The following HCFC1 variants were observed in gnomAD, a reference collection of about 807,000 sequenced individuals.
HCFC1 encodes the protein host cell factor C1.
Under a neutral mutation model 105.5 loss-of-function variants are expected in HCFC1, and 7 were observed. The ratio of observed to expected loss-of-function variants is 0.07; its 90% confidence interval spans 0.04 to 0.12. The LOEUF (loss-of-function observed/expected upper bound fraction) is 0.12, where lower values mean the gene tolerates loss of function less well. Among genes scored for constraint, HCFC1 ranks in the 10% least tolerant of loss-of-function variants. HCFC1 has a pLI of 1.00. For synonymous variants in HCFC1, 918 were observed against 828.1 expected, an observed-to-expected ratio of 1.11 and a Z score of -1.86; for missense variants, 1,065 against 1,823.6, an observed-to-expected ratio of 0.58 and a Z score of 7.58.
At chrX:153,954,020 G>C (rs2065342689) in intron 17 of HCFC1, 46 bp downstream of exon 17, 1 of 1,148,626 alleles carries the variant, frequency 8.7e-7, no homozygotes, top group African/African-American at 1.8e-5. Context: ...CTTTCAGCCT[G>C]GGGGGCTGGG....
At position 153,951,863 on chromosome X, in the gene HCFC1, C is replaced by T; in HGVS notation, c.5238G>A (p.Leu1746=). Reference sequence around the variant, plus strand: ...TACTCTCAGTGGCCGTTGAGGGCAGCAGCGCCACAGTGCTGGGGACCGTGC... The same window carrying T: ...TACTCTCAGTGGCCGTTGAGGGCAGTAGCGCCACAGTGCTGGGGACCGTGC... ...LAGTVPSTVA[L]LPSTATESLA... is the part of the protein sequence containing the mutation. Residue 1746 remains leucine (L), a synonymous_variant, in exon 20 of 26, where the codon CTG becomes CTA. Transcript: ENST00000310441. 1 of 1,195,122 alleles carries T rather than the reference C, an allele frequency of 8.4e-7. No homozygotes were observed. Among genetic ancestry groups the T allele is most frequent in the Non-Finnish European group, 1.1e-6 (1 of 885,847 alleles).
intron 22 of HCFC1, 128 bp from the exon 23 acceptor site, chrX:153,951,126 G>A (rs1403014108): frequency 2.9e-5 from 21 of 725,765 alleles, no homozygotes; most frequent in African/African-American, 1.7e-4. Flanking sequence ...GGCCCCTCAC[G>A]GCAAGGAGGG....
At chrX:153,965,256 G>A (rs782794700) in intron 1 of HCFC1, among the ~76,000 whole-genome samples, 11 of 111,452 alleles carry the variant, frequency 9.9e-5, no homozygotes, top group African/African-American at 3.6e-4. Flanking sequence ...CCTAGGTGAT[G>A]GTCCACCAGC....
In HCFC1 at chrX:153,955,181, C is replaced by T. The variant is rs1557114425; in HGVS notation, c.3218G>A (p.Arg1073Gln). 4 of 1,210,279 alleles carry T rather than the reference C, an allele frequency of 3.3e-6. No homozygotes were observed. Among genetic ancestry groups the T allele is most frequent in the South Asian group, 1.8e-5 (1 of 56,895 alleles). Residue 1073 changes from arginine (R) to glutamine (Q), a missense_variant, in exon 17 of 26, where the codon CGA (arginine) becomes CAA (glutamine). Around this residue, in one of 17 missense-constraint regions of HCFC1, gnomAD observed 546 missense variants for 599.9 expected, o/e 0.91. Transcript: ENST00000310441. Reference protein sequence around the residue: ...TVGQQNGSVVRVCSNPPCETH... With the variant: ...TVGQQNGSVVQVCSNPPCETH... ...CTCGCAGGGCGGGTTCGAACAGACT[C>T]GGACCACGCTACCATTCTGCTGGCC...
chrX:153,949,262 G>C lies in HCFC1; in HGVS notation c.*85C>G, dbSNP rs1337132443. Reference sequence around the variant, plus strand: ...TCGCGAGGGTGAAGTGCGAATGCTGGGACGGGGTGGGAGGGGTGGGCCCTG... The same window carrying C: ...TCGCGAGGGTGAAGTGCGAATGCTGCGACGGGGTGGGAGGGGTGGGCCCTG... On this transcript the variant is annotated 3_prime_UTR_variant, in exon 26 of 26. Coordinates refer to ENST00000310441, the MANE Select transcript of HCFC1 (RefSeq NM_005334.3). 29 of 729,373 alleles carry C rather than the reference G, an allele frequency of 4.0e-5. No individual in the cohort carries two copies. The highest frequency in any genetic ancestry group is 5.4e-5 in the Non-Finnish European group (26 of 478,324). 60.1% of individuals were successfully genotyped at this position (729,373 alleles called of 1,213,427 possible). A position where few individuals can be genotyped will look rare whatever the true frequency, so the allele number is the denominator to read the frequency against.
At chrX:153,967,618 C>T (rs1557118682) in intron 1 of HCFC1, among the ~76,000 whole-genome samples, 1 of 112,286 alleles carries the variant, frequency 8.9e-6, no homozygotes, top group Non-Finnish European at 1.9e-5. Flanking sequence ...CCCCCTCCCA[C>T]GATGAGACAA....
intron 1 of HCFC1, chrX:153,969,960 C>T (rs1224903320): frequency 8.8e-6 from 1 of 113,249 alleles, no homozygotes; most frequent in Non-Finnish European, 1.9e-5. Context: ...AAGGGAGAGG[C>T]GGCCCTGCCG....
rs1557112927 is a variant in HCFC1 at position 153,952,667 on chromosome X, C to T, written c.4789G>A (p.Ala1597Thr). 5.8e-6 allele frequency: 7 copies of T among 1,211,279 alleles called. No homozygotes were observed. The highest frequency in any genetic ancestry group is 6.7e-6 in the Non-Finnish European group (6 of 895,270). Residue 1597 changes from alanine to threonine, a missense_variant, in exon 19 of 26, where the codon GCT (alanine) becomes ACT (threonine). Ala to Thr is a moderately conservative substitution (Grantham distance 58). Coordinates refer to ENST00000310441, the MANE Select transcript of HCFC1 (RefSeq NM_005334.3). ...GTTACCATGAGGGTGGTGGTGCCAG[C>T]TTGGGCCTCGGCCATTAGCTCTTGG... ...LPQELMAEAQAGTTTLMVTGL... is the reference protein window; with the variant it reads ...LPQELMAEAQTGTTTLMVTGL...
intron 1 of HCFC1, among the ~76,000 whole-genome samples, chrX:153,965,849 G>GT (rs782382693): frequency 1.5e-4 from 17 of 112,129 alleles, no homozygotes; most frequent in Admixed American, 4.7e-4. Context: ...GAAAAACAGT[G>GT]TTTTTTTTCC....
chrX:153,954,519 A>G lies in HCFC1; in HGVS notation c.3880T>C (p.Cys1294Arg), dbSNP rs2148571129. 8 of 1,211,174 alleles carry G rather than the reference A, an allele frequency of 6.6e-6. No homozygotes were observed. The highest frequency in any genetic ancestry group is 1.8e-5 in the South Asian group (1 of 56,962). ...GTGGTGCCTGTCTCGTGGGTCTCACATGGTGGGTTGGAGCAGACTTGGGTC... is the reference window on the plus strand; with the variant it reads ...GTGGTGCCTGTCTCGTGGGTCTCACGTGGTGGGTTGGAGCAGACTTGGGTC... ...TVTQVCSNPP[C>R]ETHETGTTNT... The change falls in exon 17 of 26, where the codon TGT becomes CGT. Residue 1294 changes from cysteine to arginine, a missense_variant. Around this residue, in one of 17 missense-constraint regions of HCFC1, gnomAD observed 546 missense variants for 599.9 expected, o/e 0.91. Transcript: ENST00000310441.
In HCFC1 at chrX:153,949,334, A is replaced by T. The variant is rs782487620; in HGVS notation, c.*13T>A. The T allele has an allele frequency of 1.7e-6, 2 of 1,195,525 alleles. No homozygotes were observed. Among genetic ancestry groups the T allele is most frequent in the East Asian group, 5.9e-5 (2 of 33,667 alleles). ...GGGTCTGGAGAAGAATCCAGGGGCT[A>T]GTCAGCTTCCTCTCACTGACCATCG... On this transcript the variant is annotated 3_prime_UTR_variant, in exon 26 of 26. Coordinates refer to ENST00000310441, the MANE Select transcript of HCFC1 (RefSeq NM_005334.3).
In HCFC1 at chrX:153,960,136, T is replaced by C. The variant is rs1557116373; in HGVS notation, c.1110A>G (p.Val370=). The change falls in exon 8 of 26, where the codon GTA becomes GTG. Residue 370 remains valine, a synonymous_variant. Coordinates refer to ENST00000310441, the MANE Select transcript of HCFC1 (RefSeq NM_005334.3). ...ETEKPPPPAR[V]QLVRANTNSL... ...AGTTGGTGTTGGCGCGTACCAGTTG[T>C]ACTCGGGCTGGGGGTGGTGGCTTTT... The C allele has an allele frequency of 8.3e-7, 1 of 1,209,823 alleles. No homozygotes were observed.
At chrX:153,968,929 T>G (rs1462891747) in intron 1 of HCFC1, among the ~76,000 whole-genome samples, 3 of 111,530 alleles carry the variant, frequency 2.7e-5, no homozygotes, top group Non-Finnish European at 5.7e-5. Flanking sequence ...CTGCCTGGGC[T>G]GGCGCGGGGC....
Position 153,950,242 on chromosome X carries a change from C to T in HCFC1, c.6004+1G>A. 1 of 1,170,063 alleles carries T rather than the reference C, an allele frequency of 8.5e-7. No homozygotes were observed. The stretch of plus-strand genomic sequence containing the variant: ...TGAAGAGCTCCACGAAGGACACTCA[C>T]CCTGCAGCCACCTCACTTGTGTGGC... On this transcript the variant is annotated splice_donor_variant, in intron 24 of 25. Coordinates refer to ENST00000310441, the MANE Select transcript of HCFC1 (RefSeq NM_005334.3). LOFTEE classifies it high-confidence loss of function.
At chrX:153,970,458 G>T (rs782574570) in intron 1 of HCFC1, among the ~76,000 whole-genome samples, 190 bp downstream of exon 1, 1 of 94,579 alleles carries the variant, frequency 1.1e-5, no homozygotes, top group East Asian at 3.4e-4. Context: ...GAAGGGGGAG[G>T]GGGACGGGGA....
rs1557113347 is a variant in HCFC1, at chrX:153,953,696, T to A, written c.4408A>T (p.Ser1470Cys). The change falls in exon 18 of 26, where the codon AGT becomes TGT. Residue 1470 changes from serine (S) to cysteine (C), a missense_variant. By Grantham distance (112) the Ser-to-Cys change is moderately radical. Transcript: ENST00000310441. ...QGDSVNITSS[S>C]AITTTVSSTL... Reference sequence around the variant, plus strand: ...GAGGACACGGTTGTCGTGATGGCACTGGAGCTGGTGATGTTCACGCTGTCG... The same window carrying A: ...GAGGACACGGTTGTCGTGATGGCACAGGAGCTGGTGATGTTCACGCTGTCG... The A allele has an allele frequency of 8.3e-7, 1 of 1,209,048 alleles. No homozygotes were observed. Among genetic ancestry groups the A allele is most frequent in the Non-Finnish European group, 1.1e-6 (1 of 894,451 alleles).
chrX:153,962,972 T>C lies in HCFC1; in HGVS notation c.712+253A>G, dbSNP rs782262658. Among the ~76,000 whole-genome samples, 24 of 112,231 alleles carry C rather than the reference T, an allele frequency of 2.1e-4. No homozygotes were observed. The East Asian group carries it at 3.9e-3, about 18-fold the overall frequency. On this transcript the variant is annotated intron_variant, in intron 4 of 25. Coordinates refer to ENST00000310441, the MANE Select transcript of HCFC1 (RefSeq NM_005334.3). ...AGAATTCCATTCTAGAAAGCCTTAATGACTTATTCTCTTATAAGCCCGCAG... is the reference window on the plus strand; with the variant it reads ...AGAATTCCATTCTAGAAAGCCTTAACGACTTATTCTCTTATAAGCCCGCAG...
intron 23 of HCFC1, 33 bp downstream of exon 23, chrX:153,950,778 CCA>C (rs1423014437): frequency 8.4e-7 from 1 of 1,190,381 alleles, no homozygotes; most frequent in Non-Finnish European, 1.1e-6. Context: ...CAGAAACCAA[CCA>C]GGGACAGACG....
At chrX:153,960,684 CAGAAAG>C (rs1437459300) in intron 6 of HCFC1, among the ~76,000 whole-genome samples, 1 of 112,737 alleles carries the variant, frequency 8.9e-6, no homozygotes, top group Non-Finnish European at 1.9e-5. Context: ...CTACAACTCA[CAGAAAG>C]AGACGGCAAT....
Sources: allele counts gnomAD v4.1 joint callset (sites outside exome capture counted in the v4.1 genomes callset), GRCh38; gene constraint gnomAD v4.1.1; regional missense constraint gnomAD v4.1.1; transcripts MANE v1.5; gene names NCBI Gene and HGNC (gene_info 2026-07-23, HGNC 2026-07-21).